The following PAPPA variants were observed in gnomAD, a reference collection of about 807,000 sequenced individuals.
The protein encoded by PAPPA is pappalysin 1.
In PAPPA, 60 loss-of-function variants were observed where a neutral mutation model predicts 164.0. The ratio of observed to expected loss-of-function variants is 0.37; its 90% confidence interval spans 0.30 to 0.45. PAPPA has a LOEUF of 0.45. PAPPA is among the 20% of genes least tolerant of loss of function. PAPPA has a pLI of 1.00. For missense variants in PAPPA, 1,782 were observed against 2,087.3 expected, an observed-to-expected ratio of 0.85 and a Z score of 2.85; for synonymous variants, 875 against 814.1, an observed-to-expected ratio of 1.07 and a Z score of -1.27.
At chr9:116,386,749 G>T (rs1204079096) in intron 21 of PAPPA, among the ~76,000 whole-genome samples, 2 of 152,142 alleles carry the variant, frequency 1.3e-5, no homozygotes, top group African/African-American at 4.8e-5. Context: ...AGCCCAGACT[G>T]CCAGGGAACT....
chr9:116,261,757 AG>A (rs1366114381), intron 7 of PAPPA, among the ~76,000 whole-genome samples: 4 of 152,174 alleles, frequency 2.6e-5, no homozygotes, highest in African/African-American at 9.7e-5. Flanking sequence ...TGACTTTCTG[AG>A]GCAGAATACT....
intron 15 of PAPPA, among the ~76,000 whole-genome samples, chr9:116,350,455 G>A (rs772567952): frequency 2.6e-5 from 4 of 152,148 alleles, no homozygotes; most frequent in Non-Finnish European, 5.9e-5. Flanking sequence ...TAGCTGTGGT[G>A]CACTGCTAAC....
At chr9:116,199,149 G>T (rs1261026317) in intron 2 of PAPPA, among the ~76,000 whole-genome samples, 1 of 152,104 alleles carries the variant, frequency 6.6e-6, no homozygotes, top group Non-Finnish European at 1.5e-5. Flanking sequence ...GGTTTCCTCT[G>T]AACCAAATTC....
intron 1 of PAPPA, among the ~76,000 whole-genome samples, chr9:116,159,776 G>T (rs1587933346): frequency 6.6e-6 from 1 of 152,184 alleles, no homozygotes; most frequent in East Asian, 1.9e-4. Flanking sequence ...GCAAAATCAA[G>T]GTCCAGAGAT....
In PAPPA at chr9:116,216,589, G is replaced by A. The variant is rs142208671; in HGVS notation, c.1919-3348G>A. On this transcript the variant is annotated intron_variant, in intron 4 of 21. Coordinates refer to ENST00000328252, the MANE Select transcript of PAPPA (RefSeq NM_002581.5). Reference sequence around the variant, plus strand: ...GATATCAAGAGGGGAGGCACTGGGGGGAAAGAAGCCAAGTGGGACTGACTC... The same window carrying A: ...GATATCAAGAGGGGAGGCACTGGGGAGAAAGAAGCCAAGTGGGACTGACTC... Among the ~76,000 whole-genome samples, 589 of 152,258 alleles carry A rather than the reference G, an allele frequency of 3.9e-3. 3 individuals are homozygous for A. Among genetic ancestry groups the A allele is most frequent in the African/African-American group, 0.013 (530 of 41,566 alleles).
intron 4 of PAPPA, among the ~76,000 whole-genome samples, chr9:116,214,278 C>A (rs1226416056): frequency 6.6e-6 from 1 of 152,120 alleles, no homozygotes; most frequent in Non-Finnish European, 1.5e-5. Context: ...CTCAGGCCTG[C>A]AGTAATTCTT....
Position 116,277,008 on chromosome 9 carries a change from T to G in PAPPA, c.2953+5592T>G, listed in dbSNP as rs577699168. On this transcript the variant is annotated intron_variant, in intron 9 of 21. Coordinates refer to ENST00000328252, the MANE Select transcript of PAPPA (RefSeq NM_002581.5). ...GAAAACAAGAAGATGAATCGCCACG[T>G]CTTCTTGGTGGAGGTTCCGATGAGA... Among the ~76,000 whole-genome samples the G allele has an allele frequency of 3.3e-5, 5 of 152,034 alleles. No individual in the cohort carries two copies. The South Asian group carries it at 6.3e-4, about 19-fold the overall frequency.
chr9:116,261,558 T>C (rs1845001339), intron 7 of PAPPA, among the ~76,000 whole-genome samples: 4 of 152,212 alleles, frequency 2.6e-5, no homozygotes. Flanking sequence ...TAGGTTTTAA[T>C]TGACCTATCA....
intron 9 of PAPPA, among the ~76,000 whole-genome samples, chr9:116,275,761 G>A (rs977691441): frequency 3.3e-5 from 5 of 151,822 alleles, no homozygotes; most frequent in Admixed American, 6.6e-5. Context: ...CAATTTAGAA[G>A]GGCTGATGTT....
intron 6 of PAPPA, among the ~76,000 whole-genome samples, chr9:116,228,849 T>C (rs1303843369): frequency 2.6e-5 from 4 of 152,166 alleles, no homozygotes; most frequent in African/African-American, 9.6e-5. Context: ...AAATCTGCAA[T>C]TGTAATTTTT....
chr9:116,362,556 C>T (rs1354458113), intron 17 of PAPPA, 36 bp from the exon 18 acceptor site: 1 of 1,595,000 alleles, frequency 6.3e-7, no homozygotes, highest in Non-Finnish European at 8.6e-7. Context: ...GGGCTGGTGT[C>T]TCTCTTGGTC....
At chr9:116,183,129 C>T (rs1422688966) in intron 1 of PAPPA, among the ~76,000 whole-genome samples, 1 of 151,990 alleles carries the variant, frequency 6.6e-6, no homozygotes, top group Non-Finnish European at 1.5e-5. Flanking sequence ...TGTACTATGC[C>T]TCTATCTTTA....
At chr9:116,375,181 C>A (rs1180214234) in intron 19 of PAPPA, among the ~76,000 whole-genome samples, 2 of 152,202 alleles carry the variant, frequency 1.3e-5, no homozygotes, top group Non-Finnish European at 2.9e-5. Context: ...CAAAGCAATT[C>A]CAAATCAGAA....
intron 10 of PAPPA, among the ~76,000 whole-genome samples, chr9:116,309,231 A>G (rs1055119424): frequency 3.3e-5 from 5 of 152,054 alleles, no homozygotes; most frequent in Admixed American, 6.5e-5. Flanking sequence ...CTATGCCACT[A>G]TGCCCAGCTA....
rs76635260 is a variant in PAPPA at position 116,342,810 on chromosome 9, G to C, written c.3612-1733G>C. Among the ~76,000 whole-genome samples the C allele has an allele frequency of 3.3e-5, 5 of 152,258 alleles. No homozygotes were observed. The East Asian group carries it at 9.7e-4, about 29-fold the overall frequency. ...TGCATACGATAGGCCAGGTGTTGGGGGTAGACACAGTCAGAGAGGCAAAAG... is the reference window on the plus strand; with the variant it reads ...TGCATACGATAGGCCAGGTGTTGGGCGTAGACACAGTCAGAGAGGCAAAAG... On this transcript the variant is annotated intron_variant, in intron 13 of 21. Coordinates refer to ENST00000328252, the MANE Select transcript of PAPPA (RefSeq NM_002581.5).
chr9:116,168,407 T>C (rs1312032265), intron 1 of PAPPA, among the ~76,000 whole-genome samples: 2 of 152,156 alleles, frequency 1.3e-5, no homozygotes, highest in Non-Finnish European at 2.9e-5. Flanking sequence ...AACAGATAGA[T>C]GACATCATGG....
chr9:116,241,367 G>T (rs936783059), intron 7 of PAPPA, among the ~76,000 whole-genome samples: 61 of 152,270 alleles, frequency 4.0e-4, no homozygotes, highest in African/African-American at 1.4e-3. Context: ...AAGATTTAGT[G>T]ATTTTTAGAT....
chr9:116,291,679 A>T (rs1845438021), intron 9 of PAPPA, among the ~76,000 whole-genome samples: 1 of 152,130 alleles, frequency 6.6e-6, no homozygotes, highest in African/African-American at 2.4e-5. Context: ...TTATTCACTT[A>T]TTCATGTATT....
At chr9:116,364,114 T>C (rs964064719) in intron 18 of PAPPA, among the ~76,000 whole-genome samples, 6 of 152,330 alleles carry the variant, frequency 3.9e-5, no homozygotes, top group African/African-American at 1.4e-4. Flanking sequence ...ATTGCCATGG[T>C]GAGCAGCATG....
Sources: allele counts gnomAD v4.1 joint callset (sites outside exome capture counted in the v4.1 genomes callset), GRCh38; gene constraint gnomAD v4.1.1; transcripts MANE v1.5; gene names NCBI Gene and HGNC (gene_info 2026-07-23, HGNC 2026-07-21).